Variants in ANGEL2 observed in about 807,000 individuals in gnomAD.
ANGEL2 encodes RNA 2',3'-cyclic phosphatase ANGEL2.
ANGEL2 carries 41 observed loss-of-function variants against 66.0 expected under a neutral mutation model. That is an observed-to-expected ratio of 0.62 (90% CI 0.48 to 0.81). The LOEUF is 0.81. ANGEL2 is among the 30% of genes least tolerant of loss of function. The pLI is 0.00. For missense variants in ANGEL2, 561 were observed against 641.6 expected (o/e 0.87, Z 1.36); for synonymous variants, 208 against 226.5 (o/e 0.92, Z 0.73).
chr1:213,003,555 G>A (rs1046851397), intron 5 of ANGEL2, among the ~76,000 whole-genome samples: 1 of 152,120 alleles, frequency 6.6e-6, no homozygotes, highest in Admixed American at 6.5e-5. Context: ...GGAGAGAGAT[G>A]ATTAGTGGAG....
At chr1:212,998,670 C>T (rs1160883858) in intron 7 of ANGEL2, among the ~76,000 whole-genome samples, 2 of 150,220 alleles carry the variant, frequency 1.3e-5, no homozygotes, top group Non-Finnish European at 3.0e-5. Flanking sequence ...TACAGGCGCC[C>T]ACCACCACAC....
At position 213,000,403 on chromosome 1, in the gene ANGEL2, T is replaced by C; in HGVS notation, c.1262-20A>G. The C allele has an allele frequency of 6.3e-7, 1 of 1,597,414 alleles. No homozygotes were observed. The highest frequency in any genetic ancestry group is 8.6e-7 in the Non-Finnish European group (1 of 1,166,646). On this transcript the variant is annotated intron_variant, in intron 6 of 8. Transcript: ENST00000366962. ...CACTGTCTGTAAGAATAGAGGAAAA[T>C]ATATTAATGTTATTGTTCTAGTTTG...
chr1:213,008,618 T>G, intron 2 of ANGEL2, 152 bp from the exon 3 acceptor site: 1 of 879,978 alleles, frequency 1.1e-6, no homozygotes. Flanking sequence ...ACTGAATAAT[T>G]AGAACTGTTA....
At chr1:213,008,067 T>G in intron 3 of ANGEL2, 143 bp downstream of exon 3, 3 of 856,734 alleles carry the variant, frequency 3.5e-6, no homozygotes, top group Non-Finnish European at 5.2e-6. Flanking sequence ...TTTCTCCATG[T>G]TGGTCAGGCT....
At chr1:212,998,858 G>A (rs1468199880) in intron 7 of ANGEL2, among the ~76,000 whole-genome samples, 4 of 150,506 alleles carry the variant, frequency 2.7e-5, no homozygotes, top group Non-Finnish European at 5.9e-5. Context: ...GACACCAAGG[G>A]CAAGTAAGGT....
At chr1:213,002,266 T>A (rs1226904157) in intron 5 of ANGEL2, 3 of 152,254 alleles carry the variant, frequency 2.0e-5, no homozygotes, top group African/African-American at 7.2e-5. Context: ...TCATCAGAGC[T>A]CTTGGGTGAC....
intron 2 of ANGEL2, among the ~76,000 whole-genome samples, chr1:213,012,260 C>T (rs1270979407): frequency 6.9e-6 from 1 of 144,968 alleles, no homozygotes; most frequent in Non-Finnish European, 1.5e-5. Context: ...TGTCAGCTCC[C>T]TAAACATTAA....
At chr1:212,996,640 AAT>A (rs34712162) in intron 8 of ANGEL2, among the ~76,000 whole-genome samples, 39 of 66,464 alleles carry the variant, frequency 5.9e-4, no homozygotes, top group African/African-American at 2.1e-3. Context: ...AAAAAAAAAA[AAT>A]ATATATATAT....
chr1:213,000,247 T>C (rs1337114966), intron 7 of ANGEL2, 79 bp downstream of exon 7: 1 of 1,373,644 alleles, frequency 7.3e-7, no homozygotes, highest in Non-Finnish European at 1.0e-6. Context: ...TTCATTTTTT[T>C]ATCCAAGTGA....
Position 213,005,461 on chromosome 1 carries a change from G to T in ANGEL2, c.713-7C>A, listed in dbSNP as rs1473948710. ...TTATATTCACAGTGATAACCTACAA[G>T]AAACAAATGAATTTAAAACAAATGA... On this transcript the variant is annotated splice_region_variant and splice_polypyrimidine_tract_variant and intron_variant, in intron 4 of 8. Transcript: ENST00000366962. 6.4e-7 allele frequency: 1 copy of T among 1,558,636 alleles called. No homozygotes were observed. Among genetic ancestry groups the T allele is most frequent in the African/African-American group, 1.4e-5 (1 of 72,984 alleles).
At chr1:213,011,578 C>G in intron 2 of ANGEL2, 2 of 576,740 alleles carry the variant, frequency 3.5e-6, no homozygotes, top group Non-Finnish European at 4.5e-6. Flanking sequence ...TACTATGAAG[C>G]CAACAGTGTG....
intron 2 of ANGEL2, chr1:213,011,570 C>T (rs1242717255): frequency 2.9e-6 from 2 of 678,626 alleles, no homozygotes; most frequent in Non-Finnish European, 3.7e-6. Context: ...TGAGTACCTA[C>T]TATGAAGCCA....
At chr1:213,010,004 T>C (rs1424852713) in intron 2 of ANGEL2, among the ~76,000 whole-genome samples, 1 of 142,024 alleles carries the variant, frequency 7.0e-6, no homozygotes, top group African/African-American at 2.7e-5. Context: ...TGAGCCGAGA[T>C]CGCGCCATTG....
At position 213,005,094 on chromosome 1, in the gene ANGEL2, G is replaced by C. The variant is rs766416721; in HGVS notation, c.1073C>G (p.Ser358Cys). ...TTCCTTTATGAAACTATATAGTGGA[G>C]AACCAGGAACAGAATTAAAGTCACC... ...MCGDFNSVPG[S>C]PLYSFIKEGK... The change falls in exon 5 of 9, where the codon TCT becomes TGT. Residue 358 changes from serine (S) to cysteine (C), a missense_variant. By Grantham distance (112) the Ser-to-Cys change is moderately radical. Coordinates refer to ENST00000366962, the MANE Select transcript of ANGEL2 (RefSeq NM_144567.5). 1.9e-6 allele frequency: 3 copies of C among 1,611,452 alleles called. No individual in the cohort carries two copies. The Admixed American group carries it at 5.0e-5, about 27-fold the overall frequency.
At chr1:213,004,603 C>T (rs2076267068) in intron 5 of ANGEL2, among the ~76,000 whole-genome samples, 1 of 151,980 alleles carries the variant, frequency 6.6e-6, no homozygotes, top group African/African-American at 2.4e-5. Flanking sequence ...GGCACAGTGG[C>T]TCACGCCTGT....
intron 5 of ANGEL2, 153 bp from the exon 6 acceptor site, chr1:213,001,065 T>C: frequency 1.5e-6 from 1 of 683,608 alleles, no homozygotes. Flanking sequence ...TATAAAATCT[T>C]CTTTTCTTTA....
chr1:213,005,106 G>GA lies in ANGEL2; in HGVS notation c.1060dup (p.Ser354PhefsTer9), dbSNP rs775524555. ...ACTATATAGTGGAGAACCAGGAACA[G>GA]AATTAAAGTCACCACACATAACAAT... On this transcript the variant is annotated frameshift_variant, in exon 5 of 9. Coordinates refer to ENST00000366962, the MANE Select transcript of ANGEL2 (RefSeq NM_144567.5). LOFTEE classifies it high-confidence loss of function. 6.2e-7 allele frequency: 1 copy of GA among 1,613,550 alleles called. No homozygotes were observed. Among genetic ancestry groups the GA allele is most frequent in the Non-Finnish European group, 8.5e-7 (1 of 1,179,824 alleles).
chr1:213,006,928 TA>T (rs2076346310), intron 4 of ANGEL2, 200 bp downstream of exon 4: 9 of 430,016 alleles, frequency 2.1e-5, no homozygotes, highest in South Asian at 6.7e-5. Context: ...CTTGTCTCTA[TA>T]AAAAAAATTA....
Position 212,994,867 on chromosome 1 carries a change from TA to T in ANGEL2, c.*173del, listed in dbSNP as rs926867457. 1.3e-4 allele frequency: 61 copies of T among 468,148 alleles called. No individual in the cohort carries two copies. The highest frequency in any genetic ancestry group is 2.1e-4 in the South Asian group (2 of 9,486). 29.0% of individuals were successfully genotyped at this position (468,148 alleles called of 1,614,324 possible). The stretch of plus-strand genomic sequence containing the variant: ...TTGTCACGAAAATATTTTTCATTAT[TA>T]AAAAAAATTGTTATAAAGTTATTTC... On this transcript the variant is annotated 3_prime_UTR_variant, in exon 9 of 9. Transcript: ENST00000366962.
Sources: allele counts gnomAD v4.1 joint callset (sites outside exome capture counted in the v4.1 genomes callset), GRCh38; gene constraint gnomAD v4.1.1; transcripts MANE v1.5; gene names NCBI Gene and HGNC (gene_info 2026-07-23, HGNC 2026-07-21).